RAI1: variants seen among roughly 807,000 people sequenced by gnomAD.
RAI1 encodes the protein retinoic acid induced 1.
In RAI1, 9 loss-of-function variants were observed where a neutral mutation model predicts 123.8. That is an observed-to-expected ratio of 0.07 (90% confidence interval 0.04 to 0.13). The LOEUF (loss-of-function observed/expected upper bound fraction) is 0.13. RAI1 is among the 10% of genes least tolerant of loss of function. The pLI, the probability that RAI1 is intolerant of heterozygous loss-of-function variation, is 1.00. For missense variants in RAI1, 2,256 were observed against 2,545.8 expected, an observed-to-expected ratio of 0.89 and a Z score of 2.45; for synonymous variants, 1,231 against 1,127.3, an observed-to-expected ratio of 1.09 and a Z score of -1.84.
rs2032169697 is a variant in RAI1 at position 17,794,850 on chromosome 17, G to A, written c.1902G>A (p.Lys634=). 1 of 1,613,268 alleles carries A rather than the reference G, an allele frequency of 6.2e-7. No homozygotes were observed. The highest frequency in any genetic ancestry group is 2.2e-5 in the East Asian group (1 of 44,872). ...GGGCTGAAGCACCCAGCCTGGTCAA[G>A]GACAGCAGCAAGCCACCCTTCTCGC... ...KAWAEAPSLV[K]DSSKPPFSLE... The change falls in exon 3 of 6, where the codon AAG becomes AAA. Residue 634 remains lysine, a synonymous_variant. Coordinates refer to ENST00000353383, the MANE Select transcript of RAI1 (RefSeq NM_030665.4).
Position 17,691,418 on chromosome 17 carries a change from C to T in RAI1, c.-149+9625C>T, listed in dbSNP as rs768183037. On this transcript the variant is annotated intron_variant, in intron 1 of 5. Coordinates refer to ENST00000353383, the MANE Select transcript of RAI1 (RefSeq NM_030665.4). ...TGAAGCATAGAGCGTGGTAGGTGAG[C>T]AGACGTTACAGAAATGATTGCCTAG... 3.4e-4 allele frequency among the ~76,000 whole-genome samples: 51 copies of T among 152,218 alleles called. 1 individual carries two copies. Among genetic ancestry groups the T allele is most frequent in the Non-Finnish European group, 1.6e-4 (11 of 68,048 alleles).
At chr17:17,780,983 C>G (rs1018970638) in intron 2 of RAI1, among the ~76,000 whole-genome samples, 4 of 152,198 alleles carry the variant, frequency 2.6e-5, no homozygotes, top group African/African-American at 9.7e-5. Flanking sequence ...GGCATCCTCA[C>G]CCCCTCCCCT....
At chr17:17,703,642 TG>T in intron 1 of RAI1, among the ~76,000 whole-genome samples, 1 of 152,276 alleles carries the variant, frequency 6.6e-6, no homozygotes, top group East Asian at 1.9e-4. Flanking sequence ...GTTTTCTTTT[TG>T]TTTCTGTTTT....
intron 2 of RAI1, among the ~76,000 whole-genome samples, chr17:17,766,801 G>A (rs927868570): frequency 6.6e-6 from 1 of 152,248 alleles, no homozygotes; most frequent in African/African-American, 2.4e-5. Context: ...AAGGTGTGGA[G>A]GCAGGAAAGG....
At chr17:17,770,177 C>G (rs1303414431) in intron 2 of RAI1, among the ~76,000 whole-genome samples, 2 of 151,904 alleles carry the variant, frequency 1.3e-5, no homozygotes, top group Non-Finnish European at 2.9e-5. Context: ...GGCCTCTGGC[C>G]GGGGTGCAGG....
intron 2 of RAI1, 115 bp downstream of exon 2, chr17:17,724,274 T>C (rs1428539344): frequency 6.6e-6 from 1 of 150,862 alleles, no homozygotes; most frequent in African/African-American, 2.4e-5. Context: ...GGCTGCAGGC[T>C]GGGGTCGCCG....
chr17:17,686,611 A>ATGTGTG (rs1914648189), intron 1 of RAI1, among the ~76,000 whole-genome samples: 1 of 67,584 alleles, frequency 1.5e-5, no homozygotes, highest in Non-Finnish European at 3.7e-5. Context: ...GTGTGTGTGC[A>ATGTGTG]CGCGCGCGCC....
chr17:17,763,672 G>A (rs2142992991), intron 2 of RAI1, among the ~76,000 whole-genome samples: 1 of 152,358 alleles, frequency 6.6e-6, no homozygotes, highest in Middle Eastern at 3.4e-3. Flanking sequence ...AGCATGCCTG[G>A]AGTGTAGAAT....
At chr17:17,688,627 G>C (rs760555036) in intron 1 of RAI1, among the ~76,000 whole-genome samples, 2 of 152,106 alleles carry the variant, frequency 1.3e-5, no homozygotes, top group Non-Finnish European at 2.9e-5. Flanking sequence ...ATGGAGTCTC[G>C]CTCTGTCGCC....
At chr17:17,791,413 T>G (rs1410583837) in intron 2 of RAI1, among the ~76,000 whole-genome samples, 1 of 152,112 alleles carries the variant, frequency 6.6e-6, no homozygotes, top group Non-Finnish European at 1.5e-5. Flanking sequence ...TCCCCACCTT[T>G]CTGCCTCTTC....
intron 2 of RAI1, among the ~76,000 whole-genome samples, chr17:17,749,591 C>A (rs954003775): frequency 6.6e-6 from 1 of 152,236 alleles, no homozygotes; most frequent in Non-Finnish European, 1.5e-5. Context: ...TTCGCTTCAT[C>A]TTCCCCCCCT....
intron 1 of RAI1, among the ~76,000 whole-genome samples, chr17:17,689,825 T>C (rs1914775938): frequency 6.6e-6 from 1 of 152,058 alleles, no homozygotes; most frequent in African/African-American, 2.4e-5. Flanking sequence ...CCTTCCTCCA[T>C]TGTTGCTTTT....
In RAI1 at chr17:17,811,146, C is replaced by A. The variant is rs1403060249; in HGVS notation, c.*1165C>A. 3.6e-6 allele frequency: 1 copy of A among 279,642 alleles called. No individual in the cohort carries two copies. The highest frequency in any genetic ancestry group is 1.1e-4 in the East Asian group (1 of 8,836). 17.3% of individuals were successfully genotyped at this position (279,642 alleles called of 1,614,324 possible). A position where few individuals can be genotyped will look rare whatever the true frequency, so the allele number is the denominator to read the frequency against. ...CCACGCTTCGATAGGCCTGACGCAG[C>A]CCCCAGCCCAGGGCCGCCCTAGCAA... On this transcript the variant is annotated 3_prime_UTR_variant, in exon 6 of 6. Coordinates refer to ENST00000353383, the MANE Select transcript of RAI1 (RefSeq NM_030665.4).
At chr17:17,697,217 A>G (rs370823057) in intron 1 of RAI1, among the ~76,000 whole-genome samples, 4 of 152,254 alleles carry the variant, frequency 2.6e-5, no homozygotes, top group African/African-American at 4.8e-5. Flanking sequence ...GGCTTTGGGG[A>G]AAAAGCTGAA....
chr17:17,795,849 C>T lies in RAI1; in HGVS notation c.2901C>T (p.Thr967=). The T allele has an allele frequency of 6.2e-7, 1 of 1,613,230 alleles. No homozygotes were observed. Residue 967 remains threonine (T), a synonymous_variant, in exon 3 of 6, where the codon ACC becomes ACT. Coordinates refer to ENST00000353383, the MANE Select transcript of RAI1 (RefSeq NM_030665.4). This position sits in a 1 kb window ranked among gnomAD's most constrained non-coding sequence, Gnocchi z 5.9. ...DGERAPGDST[T]SDASLAQKPN... ...AGCGAGCTCCAGGGGATTCCACCAC[C>T]TCGGACGCCTCTCTGGCCCAGAAGC...
chr17:17,695,980 G>GGCACAT (rs1915017581), intron 1 of RAI1, among the ~76,000 whole-genome samples: 3 of 152,124 alleles, frequency 2.0e-5, no homozygotes, highest in Admixed American at 6.5e-5. Flanking sequence ...CCTCACCCAG[G>GGCACAT]GCACATGCAC....
At chr17:17,802,117 T>G (rs1567934625) in intron 3 of RAI1, 1 of 471,028 alleles carries the variant, frequency 2.1e-6, no homozygotes, top group Non-Finnish European at 4.4e-6. Flanking sequence ...TCCAAGGGCC[T>G]TCTTGGTGTG....
intron 2 of RAI1, among the ~76,000 whole-genome samples, chr17:17,758,918 GA>G (rs2030566372): frequency 6.6e-6 from 1 of 152,198 alleles, no homozygotes; most frequent in Admixed American, 6.5e-5. Context: ...TTTTGGTGGG[GA>G]GGGGGGCTGG....
At chr17:17,804,880 T>A (rs1303207731) in intron 4 of RAI1, among the ~76,000 whole-genome samples, 2 of 140,904 alleles carry the variant, frequency 1.4e-5, no homozygotes, top group Admixed American at 6.8e-5. Flanking sequence ...TTATTTATTT[T>A]TGAGACGGAG....
Sources: allele counts gnomAD v4.1 joint callset (sites outside exome capture counted in the v4.1 genomes callset), GRCh38; gene constraint gnomAD v4.1.1; non-coding constraint Gnocchi (gnomAD v3.1); transcripts MANE v1.5; gene names NCBI Gene and HGNC (gene_info 2026-07-23, HGNC 2026-07-21).